CFAP251: variants seen among roughly 807,000 people sequenced by gnomAD.
CFAP251 encodes cilia and flagella associated protein 251, also known as cilia- and flagella-associated protein 251.
Under a neutral mutation model 126.7 loss-of-function variants are expected in CFAP251, and 93 were observed. The observed-to-expected ratio is 0.73, with a 90% CI of 0.62 to 0.87. The LOEUF is 0.87. CFAP251 is among the 40% of genes least tolerant of loss of function. The probability of loss-of-function intolerance (pLI) is 0.00; values close to 1 mark genes in which losing one functional copy is unlikely to be tolerated. For missense variants in CFAP251, 1,287 were observed against 1,389.2 expected (o/e 0.93, Z 1.17); for synonymous variants, 503 against 506.9 (o/e 0.99, Z 0.10).
chr12:121,946,926 T>C (rs570822528), intron 7 of CFAP251, among the ~76,000 whole-genome samples: 9 of 152,324 alleles, frequency 5.9e-5, no homozygotes, highest in Non-Finnish European at 1.3e-4. Flanking sequence ...GGGTATGTTG[T>C]TGATTTTTGT....
chr12:121,963,600 C>T (rs1882022309), intron 15 of CFAP251, among the ~76,000 whole-genome samples: 1 of 150,040 alleles, frequency 6.7e-6, no homozygotes, highest in Non-Finnish European at 1.5e-5. Context: ...GTGGCATCTC[C>T]TCCCTCCTGA....
At chr12:121,956,927 G>A in intron 10 of CFAP251, 147 bp from the exon 11 acceptor site, 1 of 563,752 alleles carries the variant, frequency 1.8e-6, no homozygotes, top group Non-Finnish European at 2.8e-6. Context: ...TGTAAATTGG[G>A]ATAACAGTAA....
intron 17 of CFAP251, among the ~76,000 whole-genome samples, chr12:121,973,716 G>A (rs976228929): frequency 2.0e-4 from 31 of 152,194 alleles, no homozygotes; most frequent in African/African-American, 7.2e-4. Context: ...TGCCCTCCTG[G>A]ATTTCAGACT....
intron 19 of CFAP251, among the ~76,000 whole-genome samples, chr12:121,987,683 C>T (rs1455741490): frequency 1.3e-5 from 2 of 150,260 alleles, no homozygotes; most frequent in Non-Finnish European, 2.9e-5. Context: ...CCATTGCACT[C>T]CAGCCTGGGC....
chr12:121,959,208 G>A, intron 13 of CFAP251, 114 bp downstream of exon 13: 2 of 1,132,332 alleles, frequency 1.8e-6, no homozygotes, highest in South Asian at 1.8e-5. Flanking sequence ...AGGCCGAGGT[G>A]GGAGGATCAT....
chr12:121,937,224 T>C (rs1880930721), intron 5 of CFAP251, among the ~76,000 whole-genome samples: 1 of 152,280 alleles, frequency 6.6e-6, no homozygotes, highest in South Asian at 2.1e-4. Context: ...TCCCCTTGCT[T>C]CTGCTGGCTG....
chr12:121,965,841 G>A (rs1269814015), intron 15 of CFAP251, among the ~76,000 whole-genome samples: 122 of 139,796 alleles, frequency 8.7e-4, no homozygotes, highest in Non-Finnish European at 1.5e-3. Context: ...TTTTTTTGAG[G>A]CAGGGTCTCA....
chr12:121,957,198 G>A lies in CFAP251; in HGVS notation c.1660G>A (p.Ala554Thr). 1 of 1,614,034 alleles carries A rather than the reference G, an allele frequency of 6.2e-7. No homozygotes were observed. The highest frequency in any genetic ancestry group is 1.3e-5 in the African/African-American group (1 of 75,006). The change falls in exon 11 of 22, where the codon GCA becomes ACA. Residue 554 changes from alanine (A) to threonine (T), a missense_variant. Transcript: ENST00000288912. Reference sequence around the variant, plus strand: ...AACTCTGTCCTTTTCAAAGACCCCAGCAACTCCTCCTACTGAAAAATCAAA... The same window carrying A: ...AACTCTGTCCTTTTCAAAGACCCCAACAACTCCTCCTACTGAAAAATCAAA... ...IRTLSFSKTP[A>T]TPPTEKSNYP...
At position 121,981,946 on chromosome 12, in the gene CFAP251, G is replaced by A. The variant is rs527598090; in HGVS notation, c.3006+6261G>A. Among the ~76,000 whole-genome samples the A allele has an allele frequency of 8.5e-5, 13 of 152,236 alleles. No homozygotes were observed. The South Asian group carries it at 2.5e-3, about 29-fold the overall frequency. ...CAGAATTATTGTGAAGATTAACTGA[G>A]TATCCGTTTCGTACAGTACACGGCA... On this transcript the variant is annotated intron_variant, in intron 19 of 21. Coordinates refer to ENST00000288912, the MANE Select transcript of CFAP251 (RefSeq NM_144668.6).
chr12:121,928,936 A>G lies in CFAP251; in HGVS notation c.748-2810A>G, dbSNP rs564046472. ...GGTCTTGAACTCCTGGGATCAAGCA[A>G]TCCACTCACCTCAGCCTCCCAAAGT... On this transcript the variant is annotated intron_variant, in intron 3 of 21. Coordinates refer to ENST00000288912, the MANE Select transcript of CFAP251 (RefSeq NM_144668.6). Among the ~76,000 whole-genome samples the G allele has an allele frequency of 6.6e-5, 10 of 151,884 alleles. No homozygotes were observed. The South Asian group carries it at 1.9e-3, about 28-fold the overall frequency.
At chr12:122,003,051 T>C (rs1014859695) in intron 21 of CFAP251, among the ~76,000 whole-genome samples, 1 of 152,222 alleles carries the variant, frequency 6.6e-6, no homozygotes, top group African/African-American at 2.4e-5. Context: ...ATATTTCTGC[T>C]GTGTTCCCAG....
At chr12:121,958,222 C>A in intron 11 of CFAP251, 50 bp from the exon 12 acceptor site, 2 of 1,605,064 alleles carry the variant, frequency 1.2e-6, no homozygotes, top group Non-Finnish European at 1.7e-6. Context: ...AGCTGGCATG[C>A]CCCATTCCCT....
chr12:121,955,989 C>T (rs1325015846), intron 10 of CFAP251: 1 of 152,136 alleles, frequency 6.6e-6, no homozygotes, highest in Non-Finnish European at 1.5e-5. Context: ...ACCTGCCTTG[C>T]TTATTAATCA....
rs1880803282 is a variant in CFAP251, at chr12:121,934,247, G to A, written c.889G>A (p.Gly297Ser). The A allele has an allele frequency of 4.3e-6, 7 of 1,613,116 alleles. No homozygotes were observed. The East Asian group carries it at 1.6e-4, about 36-fold the overall frequency. Residue 297 changes from glycine to serine, a missense_variant and splice_region_variant, in exon 5 of 22, where the codon GGC (glycine) becomes AGC (serine). Transcript: ENST00000288912. ...AAGCGTTTTCTCTCCATTTCCATAGGGCCACGCCAATATTATCTCCTGCCT... is the reference window on the plus strand; with the variant it reads ...AAGCGTTTTCTCTCCATTTCCATAGAGCCACGCCAATATTATCTCCTGCCT... ...VFRNNQYHLQ[G>S]HANIISCLCV...
chr12:121,976,700 A>C (rs960711550), intron 19 of CFAP251, among the ~76,000 whole-genome samples: 1 of 152,074 alleles, frequency 6.6e-6, no homozygotes, highest in Non-Finnish European at 1.5e-5. Context: ...TGAGCCCAGG[A>C]GTTTGAGAGC....
chr12:121,975,482 C>G lies in CFAP251; in HGVS notation c.2863-60C>G, dbSNP rs151133462. The G allele has an allele frequency of 6.5e-4, 1,037 of 1,599,308 alleles. 9 individuals are homozygous for G. In the East Asian group the frequency reaches 0.019, roughly 30 times the overall value. ...TTCTAGAAAATGTCCTTGAAGTGTT[C>G]ATGGATGCTTCAGACTTAAGCCTAA... On this transcript the variant is annotated intron_variant, in intron 18 of 21. Transcript: ENST00000288912.
chr12:121,959,174 C>A (rs1881838808), intron 13 of CFAP251, 80 bp downstream of exon 13: 6 of 1,381,288 alleles, frequency 4.3e-6, no homozygotes, highest in Non-Finnish European at 5.9e-6. Flanking sequence ...TAGTAGCTAA[C>A]ACCTGTAATC....
intron 19 of CFAP251, among the ~76,000 whole-genome samples, chr12:121,996,047 A>G (rs1178014856): frequency 6.6e-6 from 1 of 152,134 alleles, no homozygotes; most frequent in East Asian, 1.9e-4. Context: ...GTGAGGGTGA[A>G]GGGTACTTGA....
At position 121,934,261 on chromosome 12, in the gene CFAP251, T is replaced by TA; in HGVS notation, c.904dup (p.Ile302AsnfsTer8). On this transcript the variant is annotated frameshift_variant, in exon 5 of 22. Transcript: ENST00000288912. LOFTEE classifies it high-confidence loss of function. Reference sequence around the variant, plus strand: ...CATTTCCATAGGGCCACGCCAATATTATCTCCTGCCTCTGCGTCAGTGAAG... The same window carrying TA: ...CATTTCCATAGGGCCACGCCAATATTAATCTCCTGCCTCTGCGTCAGTGAAG... The TA allele has an allele frequency of 6.2e-7, 1 of 1,613,830 alleles. No individual in the cohort carries two copies. Among genetic ancestry groups the TA allele is most frequent in the Non-Finnish European group, 8.5e-7 (1 of 1,179,918 alleles).
Sources: allele counts gnomAD v4.1 joint callset (sites outside exome capture counted in the v4.1 genomes callset), GRCh38; gene constraint gnomAD v4.1.1; transcripts MANE v1.5; gene names NCBI Gene and HGNC (gene_info 2026-07-23, HGNC 2026-07-21).